Variants in ANKMY1 observed in about 807,000 individuals in gnomAD.
The protein encoded by ANKMY1 is ankyrin repeat and MYND domain containing 1.
In ANKMY1, 98 loss-of-function variants were observed where a neutral mutation model predicts 102.0. The ratio of observed to expected loss-of-function variants is 0.96; its 90% CI spans 0.82 to 1.14. The LOEUF (loss-of-function observed/expected upper bound fraction) is 1.14. ANKMY1 is among the 50% of genes most tolerant of loss of function. The pLI, the probability that ANKMY1 is intolerant of heterozygous loss-of-function variation, is 0.00. For synonymous variants in ANKMY1, 582 were observed against 559.9 expected, an observed-to-expected ratio of 1.04 and a Z score of -0.56; for missense variants, 1,330 against 1,347.6, an observed-to-expected ratio of 0.99 and a Z score of 0.20.
At chr2:240,491,586 T>C (rs1252497627) in intron 15 of ANKMY1, among the ~76,000 whole-genome samples, 1 of 152,216 alleles carries the variant, frequency 6.6e-6, no homozygotes, top group Non-Finnish European at 1.5e-5. Flanking sequence ...CCTTGAGCAT[T>C]TGTAGAACTG....
intron 5 of ANKMY1, among the ~76,000 whole-genome samples, chr2:240,528,051 G>C (rs1344515749): frequency 1.3e-5 from 2 of 152,222 alleles, no homozygotes; most frequent in African/African-American, 4.8e-5. Context: ...AACTTTGGGA[G>C]GCTGAGGCGG....
chr2:240,486,175 A>G (rs991119844), intron 15 of ANKMY1, among the ~76,000 whole-genome samples: 1 of 152,160 alleles, frequency 6.6e-6, no homozygotes, highest in African/African-American at 2.4e-5. Flanking sequence ...CATCTTCTCA[A>G]TTTGAGTTAC....
intron 5 of ANKMY1, chr2:240,527,029 A>G: frequency 1.0e-6 from 1 of 989,900 alleles, no homozygotes; most frequent in Non-Finnish European, 1.2e-6. Context: ...TGATGGATGG[A>G]TGGATGGTTG....
At chr2:240,496,361 TAGATAGATAG>T (rs1441389069) in intron 15 of ANKMY1, among the ~76,000 whole-genome samples, 1 of 2,746 alleles carries the variant, frequency 3.6e-4, no homozygotes, top group African/African-American at 1.3e-3. Context: ...ATTAGATAGA[TAGATAGATAG>T]ATAGATAGAT....
intron 7 of ANKMY1, among the ~76,000 whole-genome samples, chr2:240,524,855 A>G (rs1293139499): frequency 2.6e-5 from 4 of 152,184 alleles, no homozygotes; most frequent in African/African-American, 9.7e-5. Flanking sequence ...TTTCTGTCAC[A>G]TGGCACTGCC....
At chr2:240,498,996 C>T (rs2077683539) in intron 15 of ANKMY1, among the ~76,000 whole-genome samples, 1 of 152,194 alleles carries the variant, frequency 6.6e-6, no homozygotes, top group African/African-American at 2.4e-5. Context: ...CCTATTAAAC[C>T]TCTTTTCTAA....
At position 240,529,880 on chromosome 2, in the gene ANKMY1, G is replaced by A. The variant is rs2084906788; in HGVS notation, c.481-371C>T. Among the ~76,000 whole-genome samples the A allele has an allele frequency of 6.6e-6, 1 of 152,200 alleles. No homozygotes were observed. Among genetic ancestry groups the A allele is most frequent in the Non-Finnish European group, 1.5e-5 (1 of 68,038 alleles). ...ACCCCAACAGGCTGGGGCAGCAGTGGGTGGGGAGGAAGTATGCAGGCAGCA... is the reference window on the plus strand; with the variant it reads ...ACCCCAACAGGCTGGGGCAGCAGTGAGTGGGGAGGAAGTATGCAGGCAGCA... On this transcript the variant is annotated intron_variant, in intron 4 of 17. Coordinates refer to ENST00000401804, the MANE Select transcript of ANKMY1 (RefSeq NM_001282771.3). This position sits in a 1 kb window ranked among gnomAD's most constrained non-coding sequence, Gnocchi z 4.2.
intron 15 of ANKMY1, among the ~76,000 whole-genome samples, chr2:240,493,211 C>T (rs879739241): frequency 1.4e-4 from 22 of 151,948 alleles, no homozygotes; most frequent in Non-Finnish European, 3.1e-4. Context: ...CCTGTAATCC[C>T]AGCTACTCAG....
At chr2:240,547,058 A>G (rs1329788937) in intron 4 of ANKMY1, among the ~76,000 whole-genome samples, 1 of 152,098 alleles carries the variant, frequency 6.6e-6, no homozygotes, top group African/African-American at 2.4e-5. Flanking sequence ...CAGAATATAC[A>G]TTTTTTTCAG....
intron 11 of ANKMY1, among the ~76,000 whole-genome samples, chr2:240,510,154 GTGCCCTCCCTGCCCTCCTCCCCCAGTCCT>G (rs2079889796): frequency 4.2e-5 from 1 of 23,906 alleles, no homozygotes; most frequent in African/African-American, 1.6e-4. Context: ...TCCCCAATCC[GTGCCCTCCCTGCCCTCCTCCCCCAGTCCT>G]TGCCCTCCCT....
intron 5 of ANKMY1, chr2:240,527,066 G>GA: frequency 1.1e-6 from 1 of 873,628 alleles, no homozygotes; most frequent in Non-Finnish European, 1.4e-6. Context: ...TTGCATGAGT[G>GA]AATTGATGGA....
chr2:240,560,915 C>A, upstream of ANKMY1: 1 of 1,535,422 alleles, frequency 6.5e-7, no homozygotes, highest in Non-Finnish European at 8.7e-7. Context: ...CGGCTGAGGA[C>A]CTGCTGGCGC....
chr2:240,527,874 GATGA>G (rs1381673507), intron 5 of ANKMY1: 1 of 147,102 alleles, frequency 6.8e-6, no homozygotes, highest in African/African-American at 2.5e-5. Context: ...TGGATGGATT[GATGA>G]ATGAAAAAGC....
At chr2:240,512,968 A>G in intron 9 of ANKMY1, 26 bp from the exon 10 acceptor site, 1 of 1,604,470 alleles carries the variant, frequency 6.2e-7, no homozygotes. Flanking sequence ...CGGGGCGGGC[A>G]GTGAGGCACA....
At chr2:240,502,548 C>T (rs1186769193) in intron 13 of ANKMY1, among the ~76,000 whole-genome samples, 1 of 151,936 alleles carries the variant, frequency 6.6e-6, no homozygotes, top group African/African-American at 2.4e-5. Flanking sequence ...TTTCTCGCCC[C>T]AGGTCCCATG....
At chr2:240,471,713 T>C in the ANKMY1 span, among the ~76,000 whole-genome samples, 1 of 152,144 alleles carries the variant, frequency 6.6e-6, no homozygotes, top group Non-Finnish European at 1.5e-5. Context: ...CAAAAGTGCC[T>C]TCGTGGGAGC....
upstream of ANKMY1, chr2:240,560,748 GT>G (rs772048349): frequency 9.3e-6 from 14 of 1,508,026 alleles, no homozygotes; most frequent in South Asian, 1.5e-4. Flanking sequence ...GTTGGTGCGC[GT>G]CGCGCCCTCA....
chr2:240,554,832 G>A (rs2092098816), intron 3 of ANKMY1, 34 bp downstream of exon 3: 2 of 1,611,056 alleles, frequency 1.2e-6, no homozygotes, highest in African/African-American at 1.3e-5. Context: ...AGAGGCCCTA[G>A]GGGAGGAGGC....
chr2:240,504,293 C>T (rs1308586263), intron 13 of ANKMY1, among the ~76,000 whole-genome samples: 2 of 152,218 alleles, frequency 1.3e-5, no homozygotes, highest in Non-Finnish European at 2.9e-5. Context: ...GGACTCAGAT[C>T]CCATGAAACC....
Sources: gnomAD v4.1 joint callset for allele counts (sites outside exome capture counted in the v4.1 genomes callset) on GRCh38, gnomAD v4.1.1 for gene constraint, Gnocchi (gnomAD v3.1) non-coding constraint, MANE v1.5 for transcripts, NCBI Gene and HGNC (gene_info 2026-07-23, HGNC 2026-07-21) for gene names.